The following LAMB4 variants were observed in gnomAD, a reference collection of about 807,000 sequenced individuals.
The protein encoded by LAMB4 is laminin subunit beta-4.
LAMB4 carries 196 observed loss-of-function variants against 199.2 expected under a neutral mutation model. The ratio of observed to expected loss-of-function variants is 0.98; its 90% CI spans 0.88 to 1.11. The LOEUF (loss-of-function observed/expected upper bound fraction) is 1.11. Among genes scored for constraint, LAMB4 ranks in the 50% least tolerant of loss-of-function variants. LAMB4 has a pLI of 0.00. For missense variants in LAMB4, 2,080 were observed against 2,171.2 expected (o/e 0.96, Z 0.83); for synonymous variants, 744 against 770.6 (o/e 0.97, Z 0.57).
At chr7:108,036,030 G>A (rs2035217118) in intron 30 of LAMB4, among the ~76,000 whole-genome samples, 1 of 151,646 alleles carries the variant, frequency 6.6e-6, no homozygotes, top group African/African-American at 2.4e-5. Flanking sequence ...GCTAATTTTT[G>A]TATTTTTAGT....
intron 25 of LAMB4, among the ~76,000 whole-genome samples, chr7:108,053,108 T>C (rs1176284411): frequency 1.3e-5 from 2 of 152,200 alleles, no homozygotes; most frequent in African/African-American, 4.8e-5. Context: ...AAAATAATGA[T>C]AATTACTCTA....
Position 108,098,505 on chromosome 7 carries a change from CCA to C in LAMB4, c.1256_1257del (p.Val419GlyfsTer7). 6.2e-7 allele frequency: 1 copy of C among 1,613,944 alleles called. No homozygotes were observed. Among genetic ancestry groups the C allele is most frequent in the Non-Finnish European group, 8.5e-7 (1 of 1,180,012 alleles). On this transcript the variant is annotated frameshift_variant, in exon 11 of 34. Coordinates refer to ENST00000388781, the MANE Select transcript of LAMB4 (RefSeq NM_007356.3). LOFTEE classifies it high-confidence loss of function. ...VSHSDPALGS[V>X]AGQCLCKENV... is the part of the protein sequence containing the mutation. ...TTCTCTTTACAAAGGCACTGGCCGG[CCA>C]CAGACCCTAAGGCAGGATCAGAGTG...
chr7:108,116,186 C>T, intron 2 of LAMB4, 25 bp from the exon 3 acceptor site: 3 of 1,604,176 alleles, frequency 1.9e-6, no homozygotes, highest in Non-Finnish European at 8.5e-7. Flanking sequence ...AAATAGCTTA[C>T]ACGGAAGGCA....
chr7:108,123,310 G>A (rs967872858), intron 1 of LAMB4, 113 bp from the exon 2 acceptor site: 44 of 570,836 alleles, frequency 7.7e-5, no homozygotes, highest in African/African-American at 3.5e-4. Context: ...TTAGACATAC[G>A]AAATAACCAC....
chr7:108,044,380 T>C (rs978847769), intron 28 of LAMB4: 1 of 153,066 alleles, frequency 6.5e-6, no homozygotes, highest in African/African-American at 2.4e-5. Flanking sequence ...TTCCTCTTAA[T>C]AAATGAGCTT....
chr7:108,014,063 T>C, the LAMB4 span, among the ~76,000 whole-genome samples: 1 of 152,218 alleles, frequency 6.6e-6, no homozygotes. Context: ...GTTTCTTCTT[T>C]TATGATTTTA....
intron 30 of LAMB4, among the ~76,000 whole-genome samples, chr7:108,035,296 T>A (rs2150494822): frequency 6.6e-6 from 1 of 152,260 alleles, no homozygotes. Flanking sequence ...ATCTCAGGAC[T>A]TTGGGAGGCT....
chr7:108,063,959 C>A lies in LAMB4; in HGVS notation c.2863G>T (p.Gly955Cys). The A allele has an allele frequency of 6.2e-7, 1 of 1,613,994 alleles. No homozygotes were observed. Among genetic ancestry groups the A allele is most frequent in the Non-Finnish European group, 8.5e-7 (1 of 1,179,958 alleles). ...TGTQCGECST[G>C]FYGNPRISGA... ...GAAATTCTTGGATTTCCATAGAAAC[C>A]AGTAGAGCATTCTCCACACTGAGTA... The change falls in exon 22 of 34, where the codon GGT becomes TGT. Residue 955 changes from glycine to cysteine, a missense_variant. Coordinates refer to ENST00000388781, the MANE Select transcript of LAMB4 (RefSeq NM_007356.3).
In LAMB4 at chr7:108,104,431, C is replaced by T. The variant is rs78039310; in HGVS notation, c.991+68G>A. The T allele has an allele frequency of 3.6e-3, 5,660 of 1,580,806 alleles. 129 individuals carry two copies. In the African/African-American group the frequency reaches 0.056, roughly 16 times the overall value. On this transcript the variant is annotated intron_variant, in intron 9 of 33. Transcript: ENST00000388781. The stretch of plus-strand genomic sequence containing the variant: ...GTGCCTGCAGCCCCACAGAAGTGAA[C>T]GAAGTGTTTCTTAAATAAGGAAATG...
At chr7:108,084,784 C>CTTTTTTTTTT (rs745640979) in intron 14 of LAMB4, among the ~76,000 whole-genome samples, 1 of 96,526 alleles carries the variant, frequency 1.0e-5, no homozygotes, top group Non-Finnish European at 2.0e-5. Flanking sequence ...CCAAGGAATC[C>CTTTTTTTTTT]TTTTTTTTTT....
At chr7:108,057,809 T>A in intron 24 of LAMB4, 23 bp downstream of exon 24, 1 of 1,521,972 alleles carries the variant, frequency 6.6e-7, no homozygotes, top group Non-Finnish European at 9.1e-7. Context: ...TACGCATGAG[T>A]TTTTAGAAAT....
chr7:108,056,708 G>A (rs2035996127), intron 24 of LAMB4, among the ~76,000 whole-genome samples: 1 of 152,186 alleles, frequency 6.6e-6, no homozygotes, highest in African/African-American at 2.4e-5. Flanking sequence ...AGTGGCTCAT[G>A]CCTGTAATCC....
rs1459709197 is a variant in LAMB4 at position 108,106,526 on chromosome 7, T to C, written c.638A>G (p.Tyr213Cys). ...ATTCATACCTTGGATGTAGGGGCTA[T>C]AAGGGTTTTCAATTTCAAAACTGGG... ...LDPSFEIENP[Y>C]SPYIQDLVTL... is the part of the protein sequence containing the mutation. Residue 213 changes from tyrosine to cysteine, a missense_variant, in exon 7 of 34, where the codon TAT becomes TGT. Transcript: ENST00000388781. 1 of 1,584,314 alleles carries C rather than the reference T, an allele frequency of 6.3e-7. No homozygotes were observed. The highest frequency in any genetic ancestry group is 8.7e-7 in the Non-Finnish European group (1 of 1,154,978).
rs761514310 is a variant in LAMB4, at chr7:108,116,174, A to C, written c.35-13T>G. ...TAACTGAGCCACCCTTGAACACAAC[A>C]GAAATAGCTTACACGGAAGGCAGTC... is the stretch of plus-strand genomic sequence containing the variant. On this transcript the variant is annotated splice_polypyrimidine_tract_variant and intron_variant, in intron 2 of 33. Transcript: ENST00000388781. 2 of 1,610,164 alleles carry C rather than the reference A, an allele frequency of 1.2e-6. No homozygotes were observed. The highest frequency in any genetic ancestry group is 3.3e-5 in the Admixed American group (2 of 59,918).
At chr7:108,055,383 C>G (rs1417647039) in intron 25 of LAMB4, among the ~76,000 whole-genome samples, 1 of 152,070 alleles carries the variant, frequency 6.6e-6, no homozygotes, top group East Asian at 1.9e-4. Context: ...GAGGGGGTTT[C>G]TCCATGTTGG....
chr7:108,103,225 G>A lies in LAMB4; in HGVS notation c.999C>T (p.Ser333=), dbSNP rs1584757912. 1.3e-6 allele frequency: 2 copies of A among 1,554,340 alleles called. No individual in the cohort carries two copies. Among genetic ancestry groups the A allele is most frequent in the East Asian group, 2.4e-5 (1 of 41,840 alleles). Residue 333 remains serine (S), a synonymous_variant, in exon 10 of 34, where the codon AGC becomes AGT. Transcript: ENST00000388781. Reference sequence around the variant, plus strand: ...GACAGCGGCTGGAGTGGCTATTACAGCTGCACGCTGAAAGGAGAAGACAGT... The same window carrying A: ...GACAGCGGCTGGAGTGGCTATTACAACTGCACGCTGAAAGGAGAAGACAGT... ...DLQDNACRSC[S]CNSHSSRCHF...
intron 10 of LAMB4, among the ~76,000 whole-genome samples, chr7:108,102,410 T>C (rs936567980): frequency 1.1e-4 from 17 of 152,076 alleles, no homozygotes; most frequent in Non-Finnish European, 1.9e-4. Context: ...AAAATCATGA[T>C]AATGCAAAAT....
At chr7:108,102,060 T>C (rs1487924025) in intron 10 of LAMB4, among the ~76,000 whole-genome samples, 1 of 152,142 alleles carries the variant, frequency 6.6e-6, no homozygotes, top group Non-Finnish European at 1.5e-5. Flanking sequence ...TTTAATCAAT[T>C]TGAAGTCCAT....
intron 14 of LAMB4, among the ~76,000 whole-genome samples, chr7:108,086,863 C>A (rs2037200549): frequency 6.6e-6 from 1 of 152,090 alleles, no homozygotes; most frequent in Non-Finnish European, 1.5e-5. Context: ...TGGTATCTCC[C>A]AAGGGTCAAA....
Sources: gnomAD v4.1 joint callset for allele counts (sites outside exome capture counted in the v4.1 genomes callset) on GRCh38, gnomAD v4.1.1 for gene constraint, MANE v1.5 for transcripts, NCBI Gene and HGNC (gene_info 2026-07-23, HGNC 2026-07-21) for gene names.